The following APC2 variants were observed in gnomAD, a reference collection of about 807,000 sequenced individuals.
The protein encoded by APC2 is adenomatous polyposis coli protein 2.
APC2 carries 41 observed loss-of-function variants against 72.5 expected under a neutral mutation model. The ratio of observed to expected loss-of-function variants is 0.57; its 90% confidence interval spans 0.44 to 0.73. The LOEUF (loss-of-function observed/expected upper bound fraction) is 0.73, where lower values mean the gene tolerates loss of function less well. Ranked by LOEUF, APC2 falls within the 30% of genes least tolerant of loss-of-function variation. The pLI, the probability that APC2 is intolerant of heterozygous loss-of-function variation, is 0.00. For missense variants in APC2, 3,729 were observed against 3,403.4 expected (o/e 1.10, Z -2.38); for synonymous variants, 1,898 against 1,612.0 (o/e 1.18, Z -4.25).
At chr19:1,456,223 T>C in intron 7 of APC2, 70 bp downstream of exon 7, 1 of 1,550,968 alleles carries the variant, frequency 6.4e-7, no homozygotes, top group Non-Finnish European at 8.7e-7. Context: ...CCTCGAGTTC[T>C]GCCCGCCCCC....
intron 9 of APC2, chr19:1,457,535 G>T: frequency 1.9e-6 from 1 of 526,896 alleles, no homozygotes; most frequent in South Asian, 2.4e-5. Flanking sequence ...GCAGTTGATC[G>T]CAAAGTTAAT....
chr19:1,463,902 C>T (rs1446462789), intron 14 of APC2, among the ~76,000 whole-genome samples: 4 of 152,056 alleles, frequency 2.6e-5, no homozygotes, highest in Non-Finnish European at 5.9e-5. Flanking sequence ...TGGCTGGGCG[C>T]GGTGGCTCAC....
upstream of APC2, chr19:1,446,261 C>A (rs1599122708): frequency 6.1e-6 from 6 of 984,580 alleles, no homozygotes; most frequent in Non-Finnish European, 7.2e-6. The surrounding 1 kb of genome is among the most constrained non-coding windows in gnomAD (Gnocchi z 6.1). Flanking sequence ...GGGCGGGGCG[C>A]GGCGGGTCCG....
rs1391058649 is a variant in APC2 at position 1,455,331 on chromosome 19, C to T, written c.523-53C>T. 1.1e-5 allele frequency: 18 copies of T among 1,590,234 alleles called. No homozygotes were observed. The East Asian group carries it at 3.4e-4, about 30-fold the overall frequency. ...TGCGGGAAGCGGCGTGGGGGAGGAA[C>T]GGGGCCTGGCCCGGGCGCCCCTCAC... On this transcript the variant is annotated intron_variant, in intron 5 of 14. Transcript: ENST00000590469.
Position 1,469,370 on chromosome 19 carries a change from C to A in APC2, c.6069C>A (p.Gly2023=). 5.6e-6 allele frequency: 7 copies of A among 1,241,044 alleles called. No homozygotes were observed. Among genetic ancestry groups the A allele is most frequent in the Non-Finnish European group, 7.1e-6 (7 of 990,986 alleles). 76.9% of individuals were successfully genotyped at this position (1,241,044 alleles called of 1,614,324 possible). The change falls in exon 15 of 15, where the codon GGC becomes GGA. Residue 2023 remains glycine, a synonymous_variant. Transcript: ENST00000590469. ...SAESAASAPQ[G]ASPRRGRPAL... is the part of the protein sequence containing the mutation. ...AGTCCGCGGCCTCTGCCCCCCAGGG[C>A]GCCTCGCCCCGCCGCGGCCGGCCCG...
chr19:1,468,272 G>C lies in APC2; in HGVS notation c.4971G>C (p.Leu1657=). 1 of 1,531,558 alleles carries C rather than the reference G, an allele frequency of 6.5e-7. No individual in the cohort carries two copies. Among genetic ancestry groups the C allele is most frequent in the Non-Finnish European group, 8.8e-7 (1 of 1,141,076 alleles). 94.9% of individuals were successfully genotyped at this position (1,531,558 alleles called of 1,614,324 possible). ...GCCGCAAGCCCCGAGCCACCCGGCT[G>C]GATGAGCGGCCCGCAGAGGGGTCCC... is the stretch of plus-strand genomic sequence containing the variant. The part of the protein sequence containing the change: ...LRRRKPRATR[L]DERPAEGSRE... Residue 1657 remains leucine (L), a synonymous_variant, in exon 15 of 15, where the codon CTG becomes CTC. Coordinates refer to ENST00000590469, the MANE Select transcript of APC2 (RefSeq NM_005883.3).
upstream of APC2, among the ~76,000 whole-genome samples, chr19:1,449,621 A>G (rs1215307815): frequency 6.6e-6 from 1 of 152,044 alleles, no homozygotes; most frequent in Non-Finnish European, 1.5e-5. Flanking sequence ...GGTGCTCCCC[A>G]GTGGCCCTGC....
intron 10 of APC2, 64 bp from the exon 11 acceptor site, chr19:1,460,117 G>A (rs2083899281): frequency 1.2e-6 from 2 of 1,605,180 alleles, no homozygotes; most frequent in Non-Finnish European, 8.5e-7. Context: ...AGGGAGTGAG[G>A]TGGGGCGCTG....
chr19:1,456,424 G>A lies in APC2; in HGVS notation c.816+20G>A. 1 of 1,572,978 alleles carries A rather than the reference G, an allele frequency of 6.4e-7. No individual in the cohort carries two copies. The highest frequency in any genetic ancestry group is 8.6e-7 in the Non-Finnish European group (1 of 1,160,710). ...AGCAAGGTGAGGGGGAGGGTGAAAC[G>A]GGGGCTGGCGCAGCTGTCTGGGCTG... On this transcript the variant is annotated intron_variant, in intron 8 of 14. Coordinates refer to ENST00000590469, the MANE Select transcript of APC2 (RefSeq NM_005883.3).
In APC2 at chr19:1,467,213, C is replaced by A. The variant is rs537838191; in HGVS notation, c.3912C>A (p.Arg1304=). Residue 1304 remains arginine (R), a synonymous_variant, in exon 15 of 15, where the codon CGC becomes CGA. Coordinates refer to ENST00000590469, the MANE Select transcript of APC2 (RefSeq NM_005883.3). The stretch of plus-strand genomic sequence containing the variant: ...TGCTGCCCTCGGCCTGCCCCGAGCG[C>A]GGCGGGGGCGCCGGGGGCGCCGGCC... The part of the protein sequence containing the change: ...LRLLPSACPE[R]GGGAGGAGLH... The A allele has an allele frequency of 7.1e-7, 1 of 1,399,460 alleles. No homozygotes were observed. Among genetic ancestry groups the A allele is most frequent in the South Asian group, 1.7e-5 (1 of 57,290 alleles). The allele number at this position is 1,399,460 out of a possible 1,614,324, so 86.7% of individuals were successfully genotyped here.
chr19:1,448,966 ACAG>A (rs1236707893), upstream of APC2, among the ~76,000 whole-genome samples: 1 of 152,202 alleles, frequency 6.6e-6, no homozygotes, highest in African/African-American at 2.4e-5. Flanking sequence ...GGGCTCCCAG[ACAG>A]CCAGGCCGAA....
upstream of APC2, among the ~76,000 whole-genome samples, chr19:1,448,723 A>AG (rs552125101): frequency 3.7e-3 from 560 of 151,002 alleles, 11 homozygotes; most frequent in African/African-American, 0.013. Flanking sequence ...GGGCGCCTGT[A>AG]GTCCCAGCTA....
intron 10 of APC2, among the ~76,000 whole-genome samples, chr19:1,459,473 C>A (rs765953337): frequency 6.6e-6 from 1 of 152,180 alleles, no homozygotes; most frequent in African/African-American, 2.4e-5. Flanking sequence ...AGCTGCCCCC[C>A]ACTCCTGGCT....
At chr19:1,462,655 C>CAAAAAA (rs34103912) in intron 14 of APC2, among the ~76,000 whole-genome samples, 355 of 24,920 alleles carry the variant, frequency 0.014, 34 homozygotes, top group African/African-American at 0.039. Flanking sequence ...AACTTCATCT[C>CAAAAAA]AAAAAAAAAA....
At position 1,459,297 on chromosome 19, in the gene APC2, C is replaced by T. The variant is rs545457041; in HGVS notation, c.1304-884C>T. Among the ~76,000 whole-genome samples, 9 of 151,840 alleles carry T rather than the reference C, an allele frequency of 5.9e-5. No homozygotes were observed. In the South Asian group the frequency reaches 1.3e-3, roughly 21 times the overall value. ...TCGGCTCACTGCAACCTCTGCCTCC[C>T]GGGTTTAAGCGATTCTCCTGCCTCA... is the stretch of plus-strand genomic sequence containing the variant. On this transcript the variant is annotated intron_variant, in intron 10 of 14. Transcript: ENST00000590469.
In APC2 at chr19:1,465,416, C is replaced by G. The variant is rs1182465030; in HGVS notation, c.2115C>G (p.Ala705=). Residue 705 remains alanine, a synonymous_variant, in exon 15 of 15, where the codon GCC becomes GCG. Coordinates refer to ENST00000590469, the MANE Select transcript of APC2 (RefSeq NM_005883.3). ...ATCGGCCCGCCAAGCACCAGGCGGC[C>G]GCCACCGCCGTGTCCCCAGGCAGCT... ...LAHRPAKHQA[A]ATAVSPGSCV... 6.5e-7 allele frequency: 1 copy of G among 1,544,600 alleles called. No homozygotes were observed. The highest frequency in any genetic ancestry group is 8.7e-7 in the Non-Finnish European group (1 of 1,151,964).
rs771555442 is a variant in APC2, at chr19:1,465,629, C to G, written c.2328C>G (p.Gly776=). The change falls in exon 15 of 15, where the codon GGC becomes GGG. Residue 776 remains glycine, a synonymous_variant. Coordinates refer to ENST00000590469, the MANE Select transcript of APC2 (RefSeq NM_005883.3). ...CCCAAGACTATGCTTCCGATTCGGG[C>G]TGCTTTGACGACGACGATGCACCGT... ...GLAQDYASDS[G]CFDDDDAPSS... is the part of the protein sequence containing the mutation. The G allele has an allele frequency of 6.2e-7, 1 of 1,603,350 alleles. No homozygotes were observed. Among genetic ancestry groups the G allele is most frequent in the South Asian group, 1.1e-5 (1 of 89,574 alleles).
rs576369193 is a variant in APC2, at chr19:1,473,130, G to A, written c.*2917G>A. On this transcript the variant is annotated 3_prime_UTR_variant, in exon 15 of 15. Transcript: ENST00000590469. ...AGTGTTAAACGGACGTGTAAATAGT[G>A]GTAAATAGTGAAAGCCTGTCCTTCC... 3.3e-5 allele frequency: 5 copies of A among 152,400 alleles called. No homozygotes were observed. Among genetic ancestry groups the A allele is most frequent in the Non-Finnish European group, 7.3e-5 (5 of 68,058 alleles). The allele number at this position is 152,400 out of a possible 1,614,324, so 9.4% of individuals were successfully genotyped here. A position where few individuals can be genotyped will look rare whatever the true frequency, so the allele number is the denominator to read the frequency against.
At chr19:1,458,935 C>T (rs1011409947) in intron 10 of APC2, among the ~76,000 whole-genome samples, 2 of 152,102 alleles carry the variant, frequency 1.3e-5, no homozygotes, top group African/African-American at 2.4e-5. Context: ...CCGCCCACCT[C>T]GGCCTCCCAA....
Sources: allele counts gnomAD v4.1 joint callset (sites outside exome capture counted in the v4.1 genomes callset), GRCh38; gene constraint gnomAD v4.1.1; non-coding constraint Gnocchi (gnomAD v3.1); transcripts MANE v1.5; gene names NCBI Gene and HGNC (gene_info 2026-07-23, HGNC 2026-07-21).